Variants in APH1B observed in about 807,000 individuals in gnomAD.
APH1B encodes gamma-secretase subunit APH-1B.
A neutral mutation model predicts 28.2 loss-of-function variants in APH1B; 27 were observed. The ratio of observed to expected loss-of-function variants is 0.96; its 90% confidence interval spans 0.70 to 1.32. APH1B has a LOEUF of 1.32. Ranked by LOEUF, APH1B falls within the 40% of genes most tolerant of loss-of-function variation. APH1B has a pLI of 0.00. For missense variants in APH1B, 305 were observed against 313.6 expected (o/e 0.97, Z 0.21); for synonymous variants, 141 against 124.6 (o/e 1.13, Z -0.88).
rs1039779233 is a variant in APH1B, at chr15:63,277,753, G to C, written c.113+17G>C. The C allele has an allele frequency of 1.2e-6, 2 of 1,603,580 alleles. No homozygotes were observed. Among genetic ancestry groups the C allele is most frequent in the Non-Finnish European group, 1.7e-6 (2 of 1,174,484 alleles). Reference sequence around the variant, plus strand: ...CATCGCCGGGTGAGGCGGTCGCGTCGGGAAACCCGGACGCCGGGGCTCCCC... The same window carrying C: ...CATCGCCGGGTGAGGCGGTCGCGTCCGGAAACCCGGACGCCGGGGCTCCCC... On this transcript the variant is annotated intron_variant, in intron 1 of 5. Coordinates refer to ENST00000261879, the MANE Select transcript of APH1B (RefSeq NM_031301.4).
rs1192542698 is a variant in APH1B, at chr15:63,308,251, A to G, written c.*2470A>G. On this transcript the variant is annotated 3_prime_UTR_variant, in exon 6 of 6. Coordinates refer to ENST00000261879, the MANE Select transcript of APH1B (RefSeq NM_031301.4). ...TTAGAGAATTGTGAATATTGTTGCA[A>G]TTCTTGAATATATTACCATGTGAAT... The G allele has an allele frequency of 7.2e-5, 11 of 152,162 alleles. No homozygotes were observed. The highest frequency in any genetic ancestry group is 1.5e-5 in the Non-Finnish European group (1 of 68,038). The allele number at this position is 152,162 out of a possible 1,614,324, so 9.4% of individuals were successfully genotyped here. A position where few individuals can be genotyped will look rare whatever the true frequency, so the allele number is the denominator to read the frequency against.
intron 2 of APH1B, among the ~76,000 whole-genome samples, chr15:63,283,472 C>T (rs367589575): frequency 6.6e-6 from 1 of 152,128 alleles, no homozygotes; most frequent in Non-Finnish European, 1.5e-5. Flanking sequence ...TCAAGCGACC[C>T]GCCCACCTCA....
intron 4 of APH1B, chr15:63,291,748 T>C (rs1190817106): frequency 1.3e-5 from 2 of 152,254 alleles, no homozygotes; most frequent in Admixed American, 6.5e-5. Context: ...AGCTCAGTCA[T>C]GTGGCTTGAA....
At chr15:63,280,321 G>T (rs920836798) in intron 2 of APH1B, among the ~76,000 whole-genome samples, 1 of 152,202 alleles carries the variant, frequency 6.6e-6, no homozygotes, top group African/African-American at 2.4e-5. Flanking sequence ...CTGGAACTTG[G>T]AACCATATTT....
At chr15:63,291,804 T>G (rs1229342172) in intron 4 of APH1B, 1 of 152,212 alleles carries the variant, frequency 6.6e-6, no homozygotes, top group African/African-American at 2.4e-5. Context: ...TTAAAAAGTA[T>G]TTGCATGATT....
intron 2 of APH1B, among the ~76,000 whole-genome samples, chr15:63,281,028 C>T (rs750536348): frequency 5.3e-5 from 8 of 151,734 alleles, no homozygotes; most frequent in Non-Finnish European, 1.0e-4. Flanking sequence ...CCCAGCTCCT[C>T]GGGAGGTTGA....
intron 2 of APH1B, among the ~76,000 whole-genome samples, chr15:63,281,689 C>T (rs940758673): frequency 6.6e-6 from 1 of 151,934 alleles, no homozygotes; most frequent in African/African-American, 2.4e-5. Flanking sequence ...CCTGAAATGG[C>T]AACATTTTCC....
In APH1B at chr15:63,305,714, G is replaced by A. The variant is rs202134615; in HGVS notation, c.707G>A (p.Arg236Gln). The A allele has an allele frequency of 1.9e-5, 31 of 1,614,140 alleles. No individual in the cohort carries two copies. Among genetic ancestry groups the A allele is most frequent in the African/African-American group, 1.3e-4 (10 of 75,020 alleles). The change falls in exon 6 of 6, where the codon CGA becomes CAA. Residue 236 changes from arginine to glutamine, a missense_variant. Coordinates refer to ENST00000261879, the MANE Select transcript of APH1B (RefSeq NM_031301.4). ...TTCTTAGCTGCGGGAGGCAGCTGCC[G>A]AAGCCTGAAACTCTGCCTGCTCTGC... The part of the protein sequence containing the change: ...WAFLAAGGSC[R>Q]SLKLCLLCQD...
chr15:63,291,337 C>T (rs1020460840), intron 4 of APH1B, among the ~76,000 whole-genome samples: 2 of 152,136 alleles, frequency 1.3e-5, no homozygotes, highest in African/African-American at 4.8e-5. Context: ...TAAAAAAGAA[C>T]AGCTGATCAT....
In APH1B at chr15:63,305,736, C is replaced by A; in HGVS notation, c.729C>A (p.Leu243=). ...GCCGAAGCCTGAAACTCTGCCTGCT[C>A]TGCCAAGACAAGAACTTTCTTCTTT... ...GSCRSLKLCL[L]CQDKNFLLYN... Residue 243 remains leucine, a synonymous_variant, in exon 6 of 6, where the codon CTC becomes CTA. Transcript: ENST00000261879. 6.2e-7 allele frequency: 1 copy of A among 1,614,226 alleles called. No homozygotes were observed. The highest frequency in any genetic ancestry group is 1.1e-5 in the South Asian group (1 of 91,078).
At chr15:63,287,930 A>T (rs1440763321) in intron 4 of APH1B, among the ~76,000 whole-genome samples, 3 of 152,228 alleles carry the variant, frequency 2.0e-5, no homozygotes, top group Non-Finnish European at 4.4e-5. Context: ...GTAAAATTTA[A>T]TCTGAAATTG....
rs79521450 is a variant in APH1B, at chr15:63,282,867, TTCTC to T, written c.284+3543_284+3546del. Reference sequence around the variant, plus strand: ...GTATTTAACTTGTATTCATACTCCTTTCTCTCTCTCACACACACATTCGAAAAAG... The same window carrying T: ...GTATTTAACTTGTATTCATACTCCTTTCTCTCACACACACATTCGAAAAAG... On this transcript the variant is annotated intron_variant, in intron 2 of 5. Transcript: ENST00000261879. Among the ~76,000 whole-genome samples the T allele has an allele frequency of 3.6e-3, 543 of 152,324 alleles. 4 individuals carry two copies. Among genetic ancestry groups the T allele is most frequent in the Admixed American group, 0.011 (175 of 15,300 alleles).
At chr15:63,292,986 T>C (rs1029753200) in intron 4 of APH1B, among the ~76,000 whole-genome samples, 8 of 152,180 alleles carry the variant, frequency 5.3e-5, no homozygotes, top group Non-Finnish European at 4.4e-5. Flanking sequence ...GAATCACTGA[T>C]GTCTCTTTCC....
chr15:63,301,126 GT>G (rs2038622844), intron 4 of APH1B, among the ~76,000 whole-genome samples: 1 of 152,206 alleles, frequency 6.6e-6, no homozygotes. Flanking sequence ...TGCGGGGTGG[GT>G]CCCCATAATT....
At chr15:63,302,541 T>C (rs1349191205) in intron 5 of APH1B, 69 bp downstream of exon 5, 3 of 1,532,040 alleles carry the variant, frequency 2.0e-6, no homozygotes, top group Non-Finnish European at 2.6e-6. Flanking sequence ...TGGTAAATTC[T>C]ACTCTAGATG....
At chr15:63,301,567 A>G (rs904539956) in intron 4 of APH1B, among the ~76,000 whole-genome samples, 7 of 151,808 alleles carry the variant, frequency 4.6e-5, no homozygotes, top group Non-Finnish European at 1.0e-4. Context: ...AATTACTGTG[A>G]TTTTAAATAT....
Position 63,279,307 on chromosome 15 carries a change from G to A in APH1B, c.260G>A (p.Arg87Gln), listed in dbSNP as rs551566250. 1.7e-5 allele frequency: 27 copies of A among 1,606,046 alleles called. No individual in the cohort carries two copies. Among genetic ancestry groups the A allele is most frequent in the South Asian group, 5.5e-5 (5 of 90,534 alleles). The change falls in exon 2 of 6, where the codon CGA becomes CAA. Residue 87 changes from arginine (R) to glutamine (Q), a missense_variant. Physicochemically the swap from Arg to Gln is conservative, Grantham distance 43. Coordinates refer to ENST00000261879, the MANE Select transcript of APH1B (RefSeq NM_031301.4). ...TCTGTCTATATCCAAGAAATGTTCCGATTTGCATATTATAAACTCTTAAAG... is the reference window on the plus strand; with the variant it reads ...TCTGTCTATATCCAAGAAATGTTCCAATTTGCATATTATAAACTCTTAAAG... Reference protein sequence around the residue: ...FVSVYIQEMFRFAYYKLLKKA... With the variant: ...FVSVYIQEMFQFAYYKLLKKA...
chr15:63,287,142 T>C (rs2038455289), intron 3 of APH1B: 1 of 318,882 alleles, frequency 3.1e-6, no homozygotes. Context: ...TTTGGTGTTG[T>C]ATCCTCTGTC....
At chr15:63,290,065 T>TTA (rs1292897580) in intron 4 of APH1B, among the ~76,000 whole-genome samples, 1 of 152,172 alleles carries the variant, frequency 6.6e-6, no homozygotes, top group Non-Finnish European at 1.5e-5. Context: ...ATATCTCATT[T>TTA]TATATATATA....
Sources: allele counts gnomAD v4.1 joint callset (sites outside exome capture counted in the v4.1 genomes callset), GRCh38; gene constraint gnomAD v4.1.1; transcripts MANE v1.5; gene names NCBI Gene and HGNC (gene_info 2026-07-23, HGNC 2026-07-21).